The following STIL variants were observed in gnomAD, a reference collection of about 807,000 sequenced individuals.
STIL encodes STIL centriolar assembly protein, also known as SCL-interrupting locus protein.
In STIL, 55 loss-of-function variants were observed where a neutral mutation model predicts 110.1. The ratio of observed to expected loss-of-function variants is 0.50; its 90% CI spans 0.40 to 0.63. The LOEUF is 0.63. Among genes scored for constraint, STIL ranks in the 20% least tolerant of loss-of-function variants. The pLI is 0.00. For missense variants in STIL, 1,358 were observed against 1,530.0 expected (o/e 0.89, Z 1.87); for synonymous variants, 481 against 530.0 (o/e 0.91, Z 1.27).
intron 8 of STIL, 85 bp downstream of exon 8, chr1:47,293,373 C>T: frequency 9.4e-7 from 1 of 1,069,140 alleles, no homozygotes; most frequent in East Asian, 2.4e-5. Context: ...AAGGTTACGG[C>T]ATTACATGAA....
At position 47,280,343 on chromosome 1, in the gene STIL, G is replaced by C. The variant is rs775461101; in HGVS notation, c.2115C>G (p.His705Gln). Residue 705 changes from histidine (H) to glutamine (Q), a missense_variant, in exon 12 of 17, where the codon CAC becomes CAG. Physicochemically the swap from His to Gln is conservative, Grantham distance 24 (BLOSUM62 0). Coordinates refer to ENST00000371877, the MANE Select transcript of STIL (RefSeq NM_001048166.1). The part of the protein sequence containing the change: ...CNPQPCTVCM[H>Q]TPKTESDNGM... ...CATTATCTGACTCAGTCTTGGGTGT[G>C]TGCATGCACACTGTGCAAGGCTGTG... The C allele has an allele frequency of 1.9e-6, 3 of 1,614,118 alleles. No homozygotes were observed.
Position 47,300,206 on chromosome 1 carries a change from G to A in STIL, c.454-54C>T, listed in dbSNP as rs559997838. The A allele has an allele frequency of 2.1e-5, 33 of 1,549,948 alleles. 1 individual carries two copies. In the South Asian group the frequency reaches 2.2e-4, roughly 10 times the overall value. Reference sequence around the variant, plus strand: ...TAAAACTTTGAAATGTGCCCATATCGCCAAAGTTTATTTTATACTGATACA... The same window carrying A: ...TAAAACTTTGAAATGTGCCCATATCACCAAAGTTTATTTTATACTGATACA... On this transcript the variant is annotated intron_variant, in intron 5 of 16. Coordinates refer to ENST00000371877, the MANE Select transcript of STIL (RefSeq NM_001048166.1).
intron 9 of STIL, among the ~76,000 whole-genome samples, chr1:47,288,003 G>C (rs1009136096): frequency 6.8e-6 from 1 of 147,300 alleles, no homozygotes. Flanking sequence ...AATATAAAAT[G>C]TATATAATAT....
At chr1:47,299,456 G>A (rs1456869537) in intron 6 of STIL, among the ~76,000 whole-genome samples, 2 of 148,350 alleles carry the variant, frequency 1.3e-5, no homozygotes, top group African/African-American at 2.5e-5. Flanking sequence ...GCTGTGGTGC[G>A]ATCTCAGCTC....
rs367684720 is a variant in STIL at position 47,276,396 on chromosome 1, G to A, written c.2217+3845C>T. ...AGACTAACTGTAAGAAATACCACAC[G>A]CATATGCATATACATATACATATAT... On this transcript the variant is annotated intron_variant, in intron 12 of 16. Transcript: ENST00000371877. Among the ~76,000 whole-genome samples, 56 of 151,580 alleles carry A rather than the reference G, an allele frequency of 3.7e-4. No homozygotes were observed. The South Asian group carries it at 0.011, about 31-fold the overall frequency.
intron 14 of STIL, among the ~76,000 whole-genome samples, chr1:47,265,981 T>C (rs1051258736): frequency 1.1e-4 from 16 of 151,958 alleles, no homozygotes; most frequent in Admixed American, 2.6e-4. Context: ...TTACCCAGGC[T>C]GGTCTCAAAT....
At chr1:47,278,550 G>A (rs1339930245) in intron 12 of STIL, among the ~76,000 whole-genome samples, 4 of 152,018 alleles carry the variant, frequency 2.6e-5, no homozygotes, top group African/African-American at 9.6e-5. Flanking sequence ...GGTCCTTTTA[G>A]CCTCTAATTA....
In STIL at chr1:47,281,126, T is replaced by C. The variant is rs1175681369; in HGVS notation, c.1332A>G (p.Pro444=). The change falls in exon 12 of 17, where the codon CCA becomes CCG. Residue 444 remains proline (P), a synonymous_variant. Transcript: ENST00000371877. ...NFIESNPLPT[P]LEMVNNENPP... is the part of the protein sequence containing the mutation. ...GATTTTCATTATTCACCATTTCCAA[T>C]GGAGTAGGCAGAGGGTTTGATTCTA... 1 of 1,614,120 alleles carries C rather than the reference T, an allele frequency of 6.2e-7. No individual in the cohort carries two copies. The highest frequency in any genetic ancestry group is 1.1e-5 in the South Asian group (1 of 91,088).
chr1:47,290,851 C>T (rs1645465035), intron 8 of STIL, among the ~76,000 whole-genome samples: 2 of 152,152 alleles, frequency 1.3e-5, no homozygotes, highest in South Asian at 4.1e-4. Context: ...TTAACAACAG[C>T]CCTCCACTCA....
chr1:47,280,044 G>GC (rs1645113456), intron 12 of STIL, among the ~76,000 whole-genome samples, 197 bp downstream of exon 12: 1 of 152,148 alleles, frequency 6.6e-6, no homozygotes, highest in Non-Finnish European at 1.5e-5. Flanking sequence ...TAGCAACGTG[G>GC]CATTGGGTTA....
At chr1:47,256,352 G>A (rs1644326377) in intron 16 of STIL, among the ~76,000 whole-genome samples, 1 of 152,300 alleles carries the variant, frequency 6.6e-6, no homozygotes, top group East Asian at 1.9e-4. Context: ...CGCTGGAGCA[G>A]TGGCTCATGC....
intron 6 of STIL, among the ~76,000 whole-genome samples, chr1:47,299,232 A>G (rs2149173177): frequency 6.6e-6 from 1 of 151,650 alleles, no homozygotes; most frequent in Admixed American, 6.6e-5. Flanking sequence ...CTGTAATCAC[A>G]GCTACTCAGG....
intron 14 of STIL, among the ~76,000 whole-genome samples, chr1:47,265,260 A>C (rs867697394): frequency 1.9e-4 from 28 of 148,412 alleles, no homozygotes; most frequent in East Asian, 8.1e-4. Flanking sequence ...AAAAAAAAAA[A>C]CACAAGATTG....
chr1:47,289,905 T>C (rs1472687925), intron 8 of STIL, among the ~76,000 whole-genome samples: 1 of 128,828 alleles, frequency 7.8e-6, no homozygotes, highest in Non-Finnish European at 1.5e-5. Flanking sequence ...GCCACTGCAC[T>C]CCAGCCTGGG....
intron 16 of STIL, among the ~76,000 whole-genome samples, chr1:47,252,559 T>C (rs778629017): frequency 6.6e-5 from 10 of 152,148 alleles, no homozygotes; most frequent in Admixed American, 3.9e-4. Context: ...AACATAGCTA[T>C]GAGTCATTTA....
intron 14 of STIL, among the ~76,000 whole-genome samples, chr1:47,267,905 A>G (rs1644701993): frequency 6.6e-6 from 1 of 152,020 alleles, no homozygotes; most frequent in Non-Finnish European, 1.5e-5. Flanking sequence ...CTAGCCTACG[A>G]TCCTTATTTA....
In STIL at chr1:47,304,883, T is replaced by C; in HGVS notation, c.152+6A>G. 6.3e-7 allele frequency: 1 copy of C among 1,594,528 alleles called. No homozygotes were observed. Among genetic ancestry groups the C allele is most frequent in the Non-Finnish European group, 8.6e-7 (1 of 1,162,386 alleles). ...GCTTGATTTGAAAAAAAGAAACATG[T>C]TATACCTGTAGTAACTGAGATGTAA... On this transcript the variant is annotated splice_donor_region_variant and intron_variant, in intron 3 of 16. Coordinates refer to ENST00000371877, the MANE Select transcript of STIL (RefSeq NM_001048166.1).
In STIL at chr1:47,282,395, C is replaced by T; in HGVS notation, c.1198G>A (p.Glu400Lys). 6.2e-7 allele frequency: 1 copy of T among 1,613,322 alleles called. No individual in the cohort carries two copies. ...GGAATTGGTCTTGGAGAAAAATCTTCATCTTCAACACCAGAGTCGTGATCA... is the reference window on the plus strand; with the variant it reads ...GGAATTGGTCTTGGAGAAAAATCTTTATCTTCAACACCAGAGTCGTGATCA... The part of the protein sequence containing the change: ...IHDHDSGVED[E>K]DFSPRPIPSP... Residue 400 changes from glutamate to lysine, a missense_variant, in exon 11 of 17, where the codon GAA becomes AAA. Glu to Lys is a moderately conservative substitution (Grantham distance 56). Coordinates refer to ENST00000371877, the MANE Select transcript of STIL (RefSeq NM_001048166.1).
chr1:47,311,536 C>G (rs1646125879), intron 1 of STIL, among the ~76,000 whole-genome samples: 1 of 152,030 alleles, frequency 6.6e-6, no homozygotes, highest in Non-Finnish European at 1.5e-5. Flanking sequence ...ATCCATCAGC[C>G]TTTGCCTCAA....
Sources: gnomAD v4.1 joint callset for allele counts (sites outside exome capture counted in the v4.1 genomes callset) on GRCh38, gnomAD v4.1.1 for gene constraint, MANE v1.5 for transcripts, NCBI Gene and HGNC (gene_info 2026-07-23, HGNC 2026-07-21) for gene names.